SLC25A21: variants seen among roughly 807,000 people sequenced by gnomAD.
SLC25A21 encodes mitochondrial 2-oxodicarboxylate carrier.
SLC25A21 carries 47 observed loss-of-function variants against 43.8 expected under a neutral mutation model. The ratio of observed to expected loss-of-function variants is 1.07; its 90% CI spans 0.85 to 1.37. The LOEUF is 1.37. SLC25A21 is among the 40% of genes most tolerant of loss of function. The pLI is 0.00. For missense variants in SLC25A21, 352 were observed against 350.2 expected, an observed-to-expected ratio of 1.00 and a Z score of -0.04; for synonymous variants, 131 against 121.3, an observed-to-expected ratio of 1.08 and a Z score of -0.52.
chr14:36,977,952 T>A (rs1262713435), intron 1 of SLC25A21, among the ~76,000 whole-genome samples: 15 of 134,806 alleles, frequency 1.1e-4, no homozygotes, highest in African/African-American at 2.9e-4. Context: ...TTTTTTTTTT[T>A]TTAAAAAAAA....
intron 7 of SLC25A21, among the ~76,000 whole-genome samples, chr14:36,698,718 C>T (rs747182058): frequency 1.3e-5 from 2 of 152,128 alleles, no homozygotes; most frequent in Non-Finnish European, 2.9e-5. Context: ...GCTATTGAAG[C>T]TTGTGCATGC....
intron 1 of SLC25A21, among the ~76,000 whole-genome samples, chr14:37,038,842 C>T (rs1467487): frequency 0.47 from 71,376 of 152,030 alleles, 19,160 homozygotes; most frequent in African/African-American, 0.75. Flanking sequence ...TGAAGCCTGA[C>T]GTCCTGTGGC....
chr14:37,096,562 TTTC>T (rs1298843981), intron 1 of SLC25A21, among the ~76,000 whole-genome samples: 12 of 152,166 alleles, frequency 7.9e-5, no homozygotes, highest in African/African-American at 2.7e-4. Context: ...TTTTCATTAA[TTTC>T]TTTTTTCTCC....
intron 3 of SLC25A21, among the ~76,000 whole-genome samples, chr14:36,811,795 CA>C (rs1345753168): frequency 6.6e-6 from 1 of 152,100 alleles, no homozygotes; most frequent in Non-Finnish European, 1.5e-5. Context: ...CCACACTGCA[CA>C]TTAAAAAATT....
In SLC25A21 at chr14:36,678,796, T is replaced by G. The variant is rs1009699968; in HGVS notation, c.*1862A>C. ...AAATCTAATATTAATGGTATTGAAG[T>G]TTCCTTTTCTCCCTCTAGGTCTTAA... On this transcript the variant is annotated 3_prime_UTR_variant, in exon 10 of 10. Transcript: ENST00000331299. 1.2e-4 allele frequency: 127 copies of G among 1,023,406 alleles called. No individual in the cohort carries two copies. The highest frequency in any genetic ancestry group is 1.5e-4 in the Non-Finnish European group (125 of 845,194). 63.4% of individuals were successfully genotyped at this position (1,023,406 alleles called of 1,614,324 possible). A position where few individuals can be genotyped will look rare whatever the true frequency, so the allele number is the denominator to read the frequency against.
intron 2 of SLC25A21, among the ~76,000 whole-genome samples, chr14:36,859,649 C>A (rs186576425): frequency 6.6e-6 from 1 of 152,140 alleles, no homozygotes; most frequent in East Asian, 1.9e-4. Flanking sequence ...GGTGCACAGA[C>A]CCTGGAAAAT....
intron 1 of SLC25A21, among the ~76,000 whole-genome samples, chr14:36,981,202 A>G (rs1305674762): frequency 2.6e-5 from 4 of 152,170 alleles, no homozygotes; most frequent in Non-Finnish European, 5.9e-5. Flanking sequence ...GTGCTGGAGA[A>G]GATGTGGAGA....
intron 7 of SLC25A21, among the ~76,000 whole-genome samples, chr14:36,689,025 C>T (rs1266886494): frequency 6.6e-6 from 1 of 152,150 alleles, no homozygotes; most frequent in African/African-American, 2.4e-5. Flanking sequence ...CTGTATTAGT[C>T]CGTTTTCACG....
Position 37,052,161 on chromosome 14 carries a change from C to T in SLC25A21, c.70+120120G>A, listed in dbSNP as rs543509462. On this transcript the variant is annotated intron_variant, in intron 1 of 9. Transcript: ENST00000331299. ...TAAATTTCCCTTAATAGGATAAAAG[C>T]GGAATTCACAGCATTAAAGTACAGT... Among the ~76,000 whole-genome samples the T allele has an allele frequency of 4.6e-5, 7 of 152,244 alleles. No individual in the cohort carries two copies. The East Asian group carries it at 1.2e-3, about 25-fold the overall frequency.
intron 1 of SLC25A21, among the ~76,000 whole-genome samples, chr14:36,993,163 A>G (rs1192624989): frequency 1.3e-5 from 2 of 152,124 alleles, no homozygotes; most frequent in African/African-American, 4.8e-5. Flanking sequence ...TAATACTGCT[A>G]TTTTCTATAG....
chr14:37,161,709 C>A, intron 1 of SLC25A21, among the ~76,000 whole-genome samples: 1 of 151,888 alleles, frequency 6.6e-6, no homozygotes, highest in East Asian at 1.9e-4. Context: ...GCCTGTAATC[C>A]CAGCGCTTTG....
At chr14:37,161,967 A>G (rs1963950542) in intron 1 of SLC25A21, among the ~76,000 whole-genome samples, 2 of 145,852 alleles carry the variant, frequency 1.4e-5, no homozygotes, top group Non-Finnish European at 3.0e-5. Flanking sequence ...CGTCTCAAAA[A>G]AAAAAAAAAA....
At chr14:37,071,134 T>C (rs1259017217) in intron 1 of SLC25A21, among the ~76,000 whole-genome samples, 3 of 152,322 alleles carry the variant, frequency 2.0e-5, no homozygotes, top group African/African-American at 7.2e-5. Context: ...AAATATCCAA[T>C]AGATCGTCAA....
At chr14:36,848,346 T>G (rs1477562974) in intron 2 of SLC25A21, among the ~76,000 whole-genome samples, 1 of 152,228 alleles carries the variant, frequency 6.6e-6, no homozygotes, top group Non-Finnish European at 1.5e-5. Context: ...AGGCTCAGAT[T>G]TGTTTCCAGT....
At chr14:36,971,996 C>A (rs753944577) in intron 1 of SLC25A21, among the ~76,000 whole-genome samples, 1 of 152,082 alleles carries the variant, frequency 6.6e-6, no homozygotes, top group Non-Finnish European at 1.5e-5. Context: ...CACATATATA[C>A]AGTTATGTGC....
chr14:36,773,807 C>T (rs1470796909), intron 3 of SLC25A21, among the ~76,000 whole-genome samples: 1 of 152,170 alleles, frequency 6.6e-6, no homozygotes, highest in Admixed American at 6.5e-5. Context: ...CTCTATGACT[C>T]CAAAGCACAT....
chr14:36,710,402 A>G (rs931053952), intron 7 of SLC25A21, among the ~76,000 whole-genome samples: 2 of 151,778 alleles, frequency 1.3e-5, no homozygotes. Context: ...GAAAAGAAAA[A>G]AAAGGAAACG....
chr14:36,903,008 C>A (rs112120876), intron 1 of SLC25A21, among the ~76,000 whole-genome samples: 2,291 of 152,214 alleles, frequency 0.015, 48 homozygotes, highest in African/African-American at 0.052. Flanking sequence ...ACAAACCTGA[C>A]TCACTGAGCT....
chr14:36,839,434 A>T (rs1257012593), intron 2 of SLC25A21, among the ~76,000 whole-genome samples: 1 of 152,216 alleles, frequency 6.6e-6, no homozygotes, highest in East Asian at 1.9e-4. Flanking sequence ...AGTAACTGAA[A>T]TATTGGGCAA....
Sources: allele counts gnomAD v4.1 joint callset (sites outside exome capture counted in the v4.1 genomes callset), GRCh38; gene constraint gnomAD v4.1.1; transcripts MANE v1.5; gene names NCBI Gene and HGNC (gene_info 2026-07-23, HGNC 2026-07-21).